CNTNAP2: variants seen among roughly 807,000 people sequenced by gnomAD.
CNTNAP2 encodes the protein contactin associated protein 2, also known as contactin-associated protein-like 2.
Under a neutral mutation model 155.2 loss-of-function variants are expected in CNTNAP2, and 98 were observed. The ratio of observed to expected loss-of-function variants is 0.63; its 90% confidence interval spans 0.54 to 0.75. The LOEUF is 0.75. CNTNAP2 is among the 30% of genes least tolerant of loss of function. The pLI, the probability that CNTNAP2 is intolerant of heterozygous loss-of-function variation, is 0.00. For synonymous variants in CNTNAP2, 651 were observed against 631.2 expected (o/e 1.03, Z -0.47); for missense variants, 1,727 against 1,688.1 (o/e 1.02, Z -0.40).
intron 1 of CNTNAP2, among the ~76,000 whole-genome samples, chr7:146,196,413 G>A (rs1404994620): frequency 6.6e-6 from 1 of 152,248 alleles, no homozygotes; most frequent in South Asian, 2.1e-4. Flanking sequence ...AAAGAAATGA[G>A]CACCAGCCAA....
chr7:147,521,747 C>T (rs529768198), intron 11 of CNTNAP2, among the ~76,000 whole-genome samples: 2 of 152,232 alleles, frequency 1.3e-5, no homozygotes, highest in Admixed American at 6.5e-5. Context: ...CCCAAAGTCA[C>T]CTTGGCTAAA....
intron 4 of CNTNAP2, among the ~76,000 whole-genome samples, chr7:147,095,659 A>T (rs533990042): frequency 6.6e-6 from 1 of 152,000 alleles, no homozygotes. Context: ...CATCACTACA[A>T]TATTGATTTT....
At chr7:147,646,685 C>T (rs1191436021) in intron 13 of CNTNAP2, among the ~76,000 whole-genome samples, 1 of 152,072 alleles carries the variant, frequency 6.6e-6, no homozygotes, top group African/African-American at 2.4e-5. Flanking sequence ...AAGGGAGGAG[C>T]AGGCTGCAAA....
At chr7:147,833,497 C>T (rs764412766) in intron 13 of CNTNAP2, among the ~76,000 whole-genome samples, 9 of 152,100 alleles carry the variant, frequency 5.9e-5, no homozygotes, top group Non-Finnish European at 1.2e-4. Flanking sequence ...ATGAAAGTGA[C>T]GGAAAGGAGT....
At chr7:146,142,125 A>G (rs1277494723) in intron 1 of CNTNAP2, among the ~76,000 whole-genome samples, 2 of 152,224 alleles carry the variant, frequency 1.3e-5, no homozygotes, top group African/African-American at 4.8e-5. Context: ...TATATTAGAA[A>G]TATTTGCAAT....
At chr7:146,303,137 G>A (rs1020587450) in intron 1 of CNTNAP2, among the ~76,000 whole-genome samples, 40 of 151,994 alleles carry the variant, frequency 2.6e-4, no homozygotes, top group African/African-American at 8.9e-4. Flanking sequence ...CGTGTCATGG[G>A]AGACATGGGT....
intron 16 of CNTNAP2, among the ~76,000 whole-genome samples, chr7:148,134,369 C>T (rs551797337): frequency 1.2e-4 from 19 of 152,246 alleles, no homozygotes; most frequent in African/African-American, 3.6e-4. Context: ...TCCTGCATTC[C>T]GGTTCCTGTA....
intron 10 of CNTNAP2, among the ~76,000 whole-genome samples, chr7:147,428,144 T>C (rs2116522457): frequency 6.6e-6 from 1 of 152,252 alleles, no homozygotes; most frequent in Admixed American, 6.5e-5. Flanking sequence ...GGATGAATGA[T>C]GAACTGGGGA....
In CNTNAP2 at chr7:146,994,412, C is replaced by T. The variant is rs146257532; in HGVS notation, c.403-49495C>T. On this transcript the variant is annotated intron_variant, in intron 3 of 23. Transcript: ENST00000361727. ...CTTTTCAAATGTGTAATTTTAAAGA[C>T]GTGATGAATTCTTAAGAATAATTTT... Among the ~76,000 whole-genome samples the T allele has an allele frequency of 6.3e-3, 961 of 151,908 alleles. 6 individuals carry two copies. Among genetic ancestry groups the T allele is most frequent in the African/African-American group, 0.022 (910 of 41,418 alleles).
chr7:147,499,091 A>G (rs1798764178), intron 11 of CNTNAP2, among the ~76,000 whole-genome samples: 1 of 152,220 alleles, frequency 6.6e-6, no homozygotes, highest in South Asian at 2.1e-4. Context: ...ATCATATTTG[A>G]ATCTTGAGAA....
intron 3 of CNTNAP2, among the ~76,000 whole-genome samples, chr7:146,965,901 A>G (rs1797649096): frequency 6.6e-6 from 1 of 152,204 alleles, no homozygotes; most frequent in African/African-American, 2.4e-5. Context: ...TAGACTAGCA[A>G]GAACTTCAAT....
At chr7:146,701,755 T>A (rs1800882075) in intron 1 of CNTNAP2, among the ~76,000 whole-genome samples, 1 of 152,128 alleles carries the variant, frequency 6.6e-6, no homozygotes, top group Non-Finnish European at 1.5e-5. Flanking sequence ...TATACTCTGA[T>A]ATTGAGAAAT....
At chr7:148,381,277 A>T (rs903691698) in intron 21 of CNTNAP2, 2 of 152,270 alleles carry the variant, frequency 1.3e-5, no homozygotes, top group East Asian at 3.9e-4. Flanking sequence ...GTGAGTACAA[A>T]GGGCAAGTGT....
At chr7:147,357,541 T>A (rs960987298) in intron 9 of CNTNAP2, among the ~76,000 whole-genome samples, 1 of 152,080 alleles carries the variant, frequency 6.6e-6, no homozygotes, top group Admixed American at 6.6e-5. Context: ...TTTTTTGCCC[T>A]TTCTTCTTCC....
At chr7:148,339,974 AGTGTGTGTGTGTGTGTGTGT>A (rs10603520) in intron 21 of CNTNAP2, among the ~76,000 whole-genome samples, 4 of 144,792 alleles carry the variant, frequency 2.8e-5, no homozygotes, top group Non-Finnish European at 4.5e-5. Flanking sequence ...TCCTTCGTGC[AGTGTGTGTGTGTGTGTGTGT>A]GTGTGTGTGT....
chr7:147,902,822 G>A (rs865879749), intron 13 of CNTNAP2, among the ~76,000 whole-genome samples: 1,926 of 128,832 alleles, frequency 0.015, 12 homozygotes, highest in Non-Finnish European at 0.025. Context: ...GTATGTGTGT[G>A]TGTGTGTGTG....
chr7:147,423,723 C>G (rs1753170487), intron 10 of CNTNAP2, among the ~76,000 whole-genome samples: 1 of 152,128 alleles, frequency 6.6e-6, no homozygotes, highest in Non-Finnish European at 1.5e-5. Context: ...TCACTCAGTT[C>G]CAAGATCATC....
chr7:146,924,237 A>G (rs924681226), intron 3 of CNTNAP2, among the ~76,000 whole-genome samples: 6 of 151,838 alleles, frequency 4.0e-5, no homozygotes, highest in African/African-American at 1.2e-4. Flanking sequence ...CACCTATAAA[A>G]TTAGATTTTT....
At chr7:147,332,919 G>A (rs1795598246) in intron 9 of CNTNAP2, among the ~76,000 whole-genome samples, 1 of 152,006 alleles carries the variant, frequency 6.6e-6, no homozygotes, top group Non-Finnish European at 1.5e-5. Context: ...ATTTATATAG[G>A]TGGATTTTTC....
Sources: allele counts gnomAD v4.1 joint callset (sites outside exome capture counted in the v4.1 genomes callset), GRCh38; gene constraint gnomAD v4.1.1; transcripts MANE v1.5; gene names NCBI Gene and HGNC (gene_info 2026-07-23, HGNC 2026-07-21).